CNTN5: variants seen among roughly 807,000 people sequenced by gnomAD.
The protein encoded by CNTN5 is contactin 5.
A neutral mutation model predicts 129.1 loss-of-function variants in CNTN5; 77 were observed. The observed-to-expected ratio is 0.60, with a 90% CI of 0.50 to 0.72. The LOEUF is 0.72. Among genes scored for constraint, CNTN5 ranks in the 30% least tolerant of loss-of-function variants. The pLI, the probability that CNTN5 is intolerant of heterozygous loss-of-function variation, is 0.00. For missense variants in CNTN5, 1,478 were observed against 1,328.8 expected (o/e 1.11, Z -1.75); for synonymous variants, 509 against 465.6 (o/e 1.09, Z -1.20).
intron 1 of CNTN5, among the ~76,000 whole-genome samples, chr11:99,286,820 A>C (rs1863960191): frequency 6.6e-6 from 1 of 152,220 alleles, no homozygotes; most frequent in Non-Finnish European, 1.5e-5. Context: ...GAAAAGGTTT[A>C]AACTAAATTC....
At position 99,956,951 on chromosome 11, in the gene CNTN5, C is replaced by T; in HGVS notation, c.819C>T (p.Asn273=). The T allele has an allele frequency of 1.2e-6, 2 of 1,613,890 alleles. No homozygotes were observed. The highest frequency in any genetic ancestry group is 1.7e-6 in the Non-Finnish European group (2 of 1,179,836). ...GCAGCTATATTTGTCTGGTGAAAAA[C>T]ACAGTGACGAATGCTAGAGTCCTTA... The part of the protein sequence containing the change: ...DVGSYICLVK[N]TVTNARVLSP... The change falls in exon 8 of 25, where the codon AAC becomes AAT. Residue 273 remains asparagine (N), a synonymous_variant. Coordinates refer to ENST00000524871, the MANE Select transcript of CNTN5 (RefSeq NM_014361.4).
At chr11:99,122,700 C>T (rs1858406728) in intron 1 of CNTN5, among the ~76,000 whole-genome samples, 1 of 151,952 alleles carries the variant, frequency 6.6e-6, no homozygotes, top group Non-Finnish European at 1.5e-5. Context: ...CCTCTCACTC[C>T]TCACGCCCTC....
At chr11:99,237,971 A>T (rs1861364626) in intron 1 of CNTN5, among the ~76,000 whole-genome samples, 1 of 152,102 alleles carries the variant, frequency 6.6e-6, no homozygotes. Flanking sequence ...TTTTTCCTAA[A>T]CTGCTATGCT....
chr11:99,128,252 T>G (rs116881186), intron 1 of CNTN5, among the ~76,000 whole-genome samples: 13,448 of 151,904 alleles, frequency 0.089, 727 homozygotes, highest in South Asian at 0.12. Flanking sequence ...GAGTTCATGG[T>G]GGGAGGGGTG....
chr11:100,032,522 T>A (rs1240853538), intron 9 of CNTN5, among the ~76,000 whole-genome samples: 1 of 151,890 alleles, frequency 6.6e-6, no homozygotes, highest in Non-Finnish European at 1.5e-5. Flanking sequence ...TATATATATA[T>A]AAAATAAAAG....
chr11:100,087,839 A>G (rs1944615070), intron 13 of CNTN5, among the ~76,000 whole-genome samples: 1 of 151,912 alleles, frequency 6.6e-6, no homozygotes, highest in East Asian at 1.9e-4. Flanking sequence ...TCTGCACATG[A>G]AACACACTTC....
At chr11:99,988,322 G>T (rs1253524515) in intron 8 of CNTN5, among the ~76,000 whole-genome samples, 1 of 152,142 alleles carries the variant, frequency 6.6e-6, no homozygotes, top group African/African-American at 2.4e-5. Context: ...TTTTTGCCCA[G>T]AGTTATGCAA....
At chr11:99,821,224 T>C (rs1408322218) in intron 4 of CNTN5, among the ~76,000 whole-genome samples, 2 of 152,192 alleles carry the variant, frequency 1.3e-5, no homozygotes, top group Non-Finnish European at 2.9e-5. Context: ...TGCCTCTTTG[T>C]TCTCTTGTAT....
intron 2 of CNTN5, among the ~76,000 whole-genome samples, chr11:99,388,258 A>C (rs1289107846): frequency 6.6e-6 from 1 of 151,838 alleles, no homozygotes; most frequent in Non-Finnish European, 1.5e-5. Flanking sequence ...TCTACTAAAA[A>C]TACAAAATTA....
At chr11:99,126,347 G>C (rs957485372) in intron 1 of CNTN5, among the ~76,000 whole-genome samples, 1 of 152,142 alleles carries the variant, frequency 6.6e-6, no homozygotes, top group Non-Finnish European at 1.5e-5. Flanking sequence ...AACTTCTGTT[G>C]AAGGAGCTCT....
intron 8 of CNTN5, among the ~76,000 whole-genome samples, chr11:99,995,264 C>G (rs931639216): frequency 1.3e-5 from 2 of 151,502 alleles, no homozygotes; most frequent in Admixed American, 1.3e-4. Flanking sequence ...GAAGCCAGGT[C>G]TAGAAGCCAA....
intron 3 of CNTN5, among the ~76,000 whole-genome samples, chr11:99,616,382 C>T (rs895238505): frequency 6.6e-6 from 1 of 152,182 alleles, no homozygotes; most frequent in Non-Finnish European, 1.5e-5. Flanking sequence ...TCTCCTTAAA[C>T]ATCAGTTCTC....
At chr11:100,272,780 C>A (rs368652758) in intron 18 of CNTN5, among the ~76,000 whole-genome samples, 13 of 152,130 alleles carry the variant, frequency 8.5e-5, no homozygotes, top group Non-Finnish European at 1.3e-4. Flanking sequence ...GTGAGTTGAA[C>A]TGGCAAGGAG....
chr11:99,143,759 C>T (rs1172231752), intron 1 of CNTN5, among the ~76,000 whole-genome samples: 2 of 152,152 alleles, frequency 1.3e-5, no homozygotes, highest in East Asian at 3.9e-4. Flanking sequence ...ATTCCAGGCC[C>T]TTCCATTCAG....
At chr11:99,271,923 A>G (rs1406171297) in intron 1 of CNTN5, among the ~76,000 whole-genome samples, 2 of 151,880 alleles carry the variant, frequency 1.3e-5, no homozygotes, top group African/African-American at 4.8e-5. Context: ...CACGATGTTC[A>G]GCCTGTTAGA....
At chr11:100,197,338 A>G (rs1173276359) in intron 15 of CNTN5, among the ~76,000 whole-genome samples, 1 of 152,006 alleles carries the variant, frequency 6.6e-6, no homozygotes, top group African/African-American at 2.4e-5. Context: ...AGGGATTCAC[A>G]TGATTCAGAT....
rs574031524 is a variant in CNTN5 at position 99,695,661 on chromosome 11, G to A, written c.56-123883G>A. Among the ~76,000 whole-genome samples the A allele has an allele frequency of 1.2e-3, 178 of 152,136 alleles. 1 individual carries two copies. The highest frequency in any genetic ancestry group is 3.9e-3 in the African/African-American group (161 of 41,534). ...CCAGCGCTTTGGGAGGCCTAGGTGA[G>A]AGGAGGTTTGAGACCAACCTGGGCA... is the stretch of plus-strand genomic sequence containing the variant. On this transcript the variant is annotated intron_variant, in intron 3 of 24. Coordinates refer to ENST00000524871, the MANE Select transcript of CNTN5 (RefSeq NM_014361.4).
intron 9 of CNTN5, among the ~76,000 whole-genome samples, chr11:100,015,489 A>G (rs1203539298): frequency 6.6e-6 from 1 of 152,164 alleles, no homozygotes; most frequent in Non-Finnish European, 1.5e-5. Context: ...GCCTATAAGC[A>G]CAGAGTAAGA....
chr11:99,680,565 C>T (rs557557431), intron 3 of CNTN5, among the ~76,000 whole-genome samples: 15 of 152,232 alleles, frequency 9.9e-5, no homozygotes, highest in African/African-American at 2.6e-4. Context: ...CAAAACATGA[C>T]GGCTCATTGA....
Sources: allele counts gnomAD v4.1 joint callset (sites outside exome capture counted in the v4.1 genomes callset), GRCh38; gene constraint gnomAD v4.1.1; transcripts MANE v1.5; gene names NCBI Gene and HGNC (gene_info 2026-07-23, HGNC 2026-07-21).